The following ASCC2 variants were observed in gnomAD, a reference collection of about 807,000 sequenced individuals.
ASCC2 encodes the protein ASC-1 complex subunit P100.
ASCC2 carries 42 observed loss-of-function variants against 93.5 expected under a neutral mutation model. The observed-to-expected ratio is 0.45, with a 90% CI of 0.35 to 0.58. ASCC2 has a LOEUF of 0.58. ASCC2 is among the 20% of genes least tolerant of loss of function. The pLI is 0.00. For synonymous variants in ASCC2, 364 were observed against 384.2 expected (o/e 0.95, Z 0.62); for missense variants, 859 against 977.6 (o/e 0.88, Z 1.62).
At chr22:29,790,814 A>G (rs939484205) in intron 18 of ASCC2, among the ~76,000 whole-genome samples, 1 of 152,124 alleles carries the variant, frequency 6.6e-6, no homozygotes, top group Non-Finnish European at 1.5e-5. Flanking sequence ...GAGTGGATAG[A>G]CCATAGTTAT....
chr22:29,830,473 T>C (rs182464833), intron 2 of ASCC2, among the ~76,000 whole-genome samples: 1 of 152,336 alleles, frequency 6.6e-6, no homozygotes, highest in East Asian at 1.9e-4. Context: ...AGCCTTCTCC[T>C]GTTGCTCTGC....
intron 2 of ASCC2, among the ~76,000 whole-genome samples, chr22:29,828,594 C>T (rs978866177): frequency 1.3e-5 from 2 of 152,146 alleles, no homozygotes; most frequent in African/African-American, 4.8e-5. Context: ...GTTCCAATCT[C>T]ACCTCTTCCA....
intron 14 of ASCC2, among the ~76,000 whole-genome samples, chr22:29,801,750 C>A (rs540990399): frequency 6.6e-6 from 1 of 152,204 alleles, no homozygotes; most frequent in Non-Finnish European, 1.5e-5. Context: ...ATCCATGGCG[C>A]TCTAATCAGC....
chr22:29,817,056 C>A (rs1246964711), intron 5 of ASCC2, among the ~76,000 whole-genome samples: 1 of 152,152 alleles, frequency 6.6e-6, no homozygotes, highest in Non-Finnish European at 1.5e-5. Context: ...TGAATGAGTT[C>A]AAAAACCAGA....
chr22:29,809,439 C>T (rs963026538), intron 8 of ASCC2, among the ~76,000 whole-genome samples: 2 of 152,050 alleles, frequency 1.3e-5, no homozygotes, highest in African/African-American at 2.4e-5. Flanking sequence ...ATCTTCCTGC[C>T]TCAGCCTCCC....
intron 6 of ASCC2, among the ~76,000 whole-genome samples, 168 bp downstream of exon 6, chr22:29,815,838 A>T (rs1023442115): frequency 2.6e-5 from 4 of 152,202 alleles, no homozygotes; most frequent in Non-Finnish European, 5.9e-5. Context: ...CGGCAAATTT[A>T]AAGAGGTGTA....
intron 15 of ASCC2, among the ~76,000 whole-genome samples, chr22:29,796,201 C>T (rs371815569): frequency 1.3e-5 from 2 of 152,026 alleles, no homozygotes; most frequent in Non-Finnish European, 1.5e-5. Context: ...CTCCACCAGC[C>T]GGGTTCAAGC....
At chr22:29,832,125 G>T in intron 2 of ASCC2, 120 bp downstream of exon 2, 2 of 841,204 alleles carry the variant, frequency 2.4e-6, no homozygotes, top group Non-Finnish European at 1.9e-6. Context: ...CTCAGCTACT[G>T]AATCACCGAC....
chr22:29,822,757 G>A (rs1319337714), intron 4 of ASCC2, among the ~76,000 whole-genome samples: 1 of 114,686 alleles, frequency 8.7e-6, no homozygotes, highest in Non-Finnish European at 1.7e-5. Flanking sequence ...GTCTGGCTCT[G>A]TTGCCCAGGC....
At chr22:29,822,243 C>A in intron 5 of ASCC2, 92 bp downstream of exon 5, 5 of 1,553,270 alleles carry the variant, frequency 3.2e-6, no homozygotes, top group Non-Finnish European at 4.4e-6. Context: ...CCCTGAGTCC[C>A]TGGGCACTGT....
chr22:29,822,765 G>A (rs1177512569), intron 4 of ASCC2, among the ~76,000 whole-genome samples: 1 of 140,292 alleles, frequency 7.1e-6, no homozygotes. Flanking sequence ...CTGTTGCCCA[G>A]GCTGATGTGC....
intron 9 of ASCC2, among the ~76,000 whole-genome samples, chr22:29,807,853 G>T (rs2079338): frequency 6.6e-6 from 1 of 151,646 alleles, no homozygotes; most frequent in Non-Finnish European, 1.5e-5. Flanking sequence ...AGGCTGCAGT[G>T]AGCTGTGACT....
intron 15 of ASCC2, among the ~76,000 whole-genome samples, chr22:29,795,677 G>A (rs1342773679): frequency 6.6e-6 from 1 of 152,172 alleles, no homozygotes; most frequent in Admixed American, 6.5e-5. Flanking sequence ...AGGAAACTCG[G>A]GTGCATTGGG....
chr22:29,793,721 T>C (rs775515811), intron 15 of ASCC2, 45 bp from the exon 16 acceptor site: 2 of 1,529,336 alleles, frequency 1.3e-6, no homozygotes, highest in South Asian at 1.2e-5. Context: ...CCATCAGGCT[T>C]GGAAGGCCGC....
chr22:29,817,826 A>G (rs1244584912), intron 5 of ASCC2, among the ~76,000 whole-genome samples: 1 of 152,242 alleles, frequency 6.6e-6, no homozygotes, highest in East Asian at 1.9e-4. Flanking sequence ...TGTAAGGAAT[A>G]GCAATGGCAT....
intron 2 of ASCC2, among the ~76,000 whole-genome samples, chr22:29,828,109 T>A (rs993737678): frequency 1.3e-5 from 2 of 152,134 alleles, no homozygotes; most frequent in Non-Finnish European, 2.9e-5. Context: ...AGAAGGGAAT[T>A]AATAGCACCT....
Position 29,806,495 on chromosome 22 carries a change from G to T in ASCC2, c.1075C>A (p.Gln359Lys). 6.2e-7 allele frequency: 1 copy of T among 1,613,932 alleles called. No homozygotes were observed. The highest frequency in any genetic ancestry group is 8.5e-7 in the Non-Finnish European group (1 of 1,179,896). The change falls in exon 11 of 20, where the codon CAG becomes AAG. Residue 359 changes from glutamine to lysine, a missense_variant. Gln to Lys is a moderately conservative substitution (Grantham distance 53). Coordinates refer to ENST00000307790, the MANE Select transcript of ASCC2 (RefSeq NM_032204.5). Reference sequence around the variant, plus strand: ...CTCAGCCACACTCACCTCTTCTCCTGCAGCAAGGAGCTGAAGATCTGAAGG... The same window carrying T: ...CTCAGCCACACTCACCTCTTCTCCTTCAGCAAGGAGCTGAAGATCTGAAGG... ...EFLQIFSSLL[Q>K]EKRFLRDYDA...
At chr22:29,834,678 C>T (rs1391437846) in intron 1 of ASCC2, 1 of 394,264 alleles carries the variant, frequency 2.5e-6, no homozygotes, top group Non-Finnish European at 5.2e-6. Flanking sequence ...TCTTACTAGC[C>T]TCTCACAACA....
At chr22:29,796,756 G>C (rs1406848730) in intron 15 of ASCC2, among the ~76,000 whole-genome samples, 1 of 152,164 alleles carries the variant, frequency 6.6e-6, no homozygotes, top group Non-Finnish European at 1.5e-5. Flanking sequence ...CCACTGGTAG[G>C]AGCACACCCA....
Sources: gnomAD v4.1 joint callset for allele counts (sites outside exome capture counted in the v4.1 genomes callset) on GRCh38, gnomAD v4.1.1 for gene constraint, MANE v1.5 for transcripts, NCBI Gene and HGNC (gene_info 2026-07-23, HGNC 2026-07-21) for gene names.